SORCS2: variants seen among roughly 807,000 people sequenced by gnomAD.
The protein encoded by SORCS2 is VPS10 domain-containing receptor SorCS2.
Under a neutral mutation model 141.6 loss-of-function variants are expected in SORCS2, and 100 were observed. The ratio of observed to expected loss-of-function variants is 0.71; its 90% CI spans 0.60 to 0.83. The LOEUF is 0.83. Ranked by LOEUF, SORCS2 falls within the 40% of genes least tolerant of loss-of-function variation. The pLI is 0.00. For synonymous variants in SORCS2, 789 were observed against 676.9 expected (o/e 1.17, Z -2.57); for missense variants, 1,646 against 1,560.2 (o/e 1.05, Z -0.93).
intron 1 of SORCS2, among the ~76,000 whole-genome samples, chr4:7,359,254 C>A (rs1179770066): frequency 6.6e-6 from 1 of 152,154 alleles, no homozygotes; most frequent in Non-Finnish European, 1.5e-5. Flanking sequence ...CAAGATGGCG[C>A]CACTGCATTC....
intron 9 of SORCS2, among the ~76,000 whole-genome samples, chr4:7,676,832 T>TCTCTCC (rs1723172933): frequency 8.1e-6 from 1 of 123,428 alleles, no homozygotes; most frequent in Non-Finnish European, 1.7e-5. Context: ...TCTCTCTCCC[T>TCTCTCC]CTCTCCACCC....
intron 2 of SORCS2, among the ~76,000 whole-genome samples, chr4:7,413,277 A>G (rs879801324): frequency 6.6e-6 from 1 of 152,126 alleles, no homozygotes; most frequent in African/African-American, 2.4e-5. Flanking sequence ...CATATTTGAG[A>G]TAAATATTCT....
intron 2 of SORCS2, among the ~76,000 whole-genome samples, chr4:7,399,058 G>A (rs1238294867): frequency 7.0e-6 from 1 of 142,228 alleles, no homozygotes; most frequent in East Asian, 1.9e-4. Context: ...GCTTTAATTT[G>A]CTTTTTTTTT....
At chr4:7,695,936 GTGGGTGGATGGA>G (rs1199551729) in intron 11 of SORCS2, among the ~76,000 whole-genome samples, 5 of 76,228 alleles carry the variant, frequency 6.6e-5, no homozygotes, top group Non-Finnish European at 1.3e-4. Flanking sequence ...TGGTGGGTGG[GTGGGTGGATGGA>G]TGGATGGATG....
chr4:7,555,640 TA>T (rs1199162336), intron 3 of SORCS2, among the ~76,000 whole-genome samples: 1 of 152,164 alleles, frequency 6.6e-6, no homozygotes, highest in Non-Finnish European at 1.5e-5. Flanking sequence ...GACGTTGATT[TA>T]AAAAAATGCA....
intron 2 of SORCS2, among the ~76,000 whole-genome samples, chr4:7,446,869 C>G (rs1172988495): frequency 6.6e-6 from 1 of 152,224 alleles, no homozygotes. Context: ...AATGTCAAGT[C>G]TGCAGGGTTA....
At position 7,664,932 on chromosome 4, in the gene SORCS2, C is replaced by G. The variant is rs16835158; in HGVS notation, c.1071+461C>G. On this transcript the variant is annotated intron_variant, in intron 7 of 26. Transcript: ENST00000507866. The surrounding 1 kb of genome is among the most constrained non-coding windows in gnomAD (Gnocchi z 4.7). ...TGTGGTCCCAGCTAATTCAGAAACT[C>G]TAGCACACAACCAATCCATCCAGCT... 0.038 allele frequency among the ~76,000 whole-genome samples: 5,847 copies of G among 152,290 alleles called. 350 individuals are homozygous for G. Among genetic ancestry groups the G allele is most frequent in the African/African-American group, 0.13 (5,482 of 41,534 alleles).
intron 1 of SORCS2, among the ~76,000 whole-genome samples, chr4:7,324,852 G>A (rs1270568706): frequency 6.6e-6 from 1 of 152,206 alleles, no homozygotes; most frequent in African/African-American, 2.4e-5. Context: ...TTCAAACCGA[G>A]GGCGGTTTTG....
intron 14 of SORCS2, 41 bp from the exon 15 acceptor site, chr4:7,712,692 G>A (rs368041830): frequency 1.2e-6 from 2 of 1,613,154 alleles, no homozygotes; most frequent in Non-Finnish European, 1.7e-6. Flanking sequence ...AAGGCCTAAT[G>A]AAGGTGGTTT....
At chr4:7,540,560 A>G (rs550586304) in intron 3 of SORCS2, among the ~76,000 whole-genome samples, 1 of 152,172 alleles carries the variant, frequency 6.6e-6, no homozygotes, top group Non-Finnish European at 1.5e-5. Context: ...GAGCAGCGAG[A>G]GCCAGGCTGC....
intron 1 of SORCS2, among the ~76,000 whole-genome samples, chr4:7,288,791 T>TCG (rs779595154): frequency 6.5e-5 from 2 of 30,906 alleles, no homozygotes; most frequent in Admixed American, 8.7e-4. Flanking sequence ...TCATGTGGGG[T>TCG]GGGGGGGGGA....
chr4:7,625,409 C>CTACATA (rs1719453251), intron 3 of SORCS2, among the ~76,000 whole-genome samples: 1 of 152,016 alleles, frequency 6.6e-6, no homozygotes, highest in African/African-American at 2.4e-5. Flanking sequence ...AGAACATCTC[C>CTACATA]CACATGTAGC....
intron 1 of SORCS2, among the ~76,000 whole-genome samples, chr4:7,326,648 C>G (rs923460103): frequency 2.0e-5 from 3 of 152,252 alleles, no homozygotes; most frequent in Non-Finnish European, 4.4e-5. Context: ...CGGCCTGGTG[C>G]TGGGTACACA....
At chr4:7,511,379 C>CAA (rs56067285) in intron 2 of SORCS2, among the ~76,000 whole-genome samples, 71,079 of 130,282 alleles carry the variant, frequency 0.55, 20,815 homozygotes, top group East Asian at 0.8. Context: ...GAGGTACACA[C>CAA]AAAAAGCCAG....
At chr4:7,736,817 G>T (rs1272289411) in intron 25 of SORCS2, among the ~76,000 whole-genome samples, 1 of 152,180 alleles carries the variant, frequency 6.6e-6, no homozygotes, top group Non-Finnish European at 1.5e-5. Context: ...GATACACAGT[G>T]ATCACCCAAT....
At chr4:7,289,592 A>G (rs2108874727) in intron 1 of SORCS2, among the ~76,000 whole-genome samples, 1 of 152,358 alleles carries the variant, frequency 6.6e-6, no homozygotes, top group South Asian at 2.1e-4. Context: ...CAGCTGCCAC[A>G]GAGACCGAGC....
chr4:7,433,753 T>G, intron 2 of SORCS2: 1 of 1,613,372 alleles, frequency 6.2e-7, no homozygotes, highest in African/African-American at 1.3e-5. Context: ...ATAGGCATCA[T>G]GGACTGCCCG....
intron 12 of SORCS2, among the ~76,000 whole-genome samples, chr4:7,700,193 C>T (rs1724971664): frequency 6.6e-6 from 1 of 152,212 alleles, no homozygotes; most frequent in Non-Finnish European, 1.5e-5. Flanking sequence ...CCCTGTGAAC[C>T]CCTCCCTGGG....
In SORCS2 at chr4:7,741,718, C is replaced by T. The variant is rs1712693588; in HGVS notation, c.*1454C>T. On this transcript the variant is annotated 3_prime_UTR_variant, in exon 27 of 27. Coordinates refer to ENST00000507866, the MANE Select transcript of SORCS2 (RefSeq NM_020777.3). ...GGGTCCCTCTCAGAAAGGGAGAACGCCAGAGCCCTGGCTGGTGACATGCTG... is the reference window on the plus strand; with the variant it reads ...GGGTCCCTCTCAGAAAGGGAGAACGTCAGAGCCCTGGCTGGTGACATGCTG... 6.3e-6 allele frequency: 1 copy of T among 157,680 alleles called. No individual in the cohort carries two copies. Among genetic ancestry groups the T allele is most frequent in the Non-Finnish European group, 1.4e-5 (1 of 72,060 alleles). The allele number at this position is 157,680 out of a possible 1,614,324, so 9.8% of individuals were successfully genotyped here.
Sources: gnomAD v4.1 joint callset for allele counts (sites outside exome capture counted in the v4.1 genomes callset) on GRCh38, gnomAD v4.1.1 for gene constraint, Gnocchi (gnomAD v3.1) non-coding constraint, MANE v1.5 for transcripts, NCBI Gene and HGNC (gene_info 2026-07-23, HGNC 2026-07-21) for gene names.